XYLT1: variants seen among roughly 807,000 people sequenced by gnomAD.
XYLT1 encodes beta-D-xylosyltransferase 1.
XYLT1 carries 36 observed loss-of-function variants against 91.3 expected under a neutral mutation model. The observed-to-expected ratio is 0.39, with a 90% CI of 0.30 to 0.52. The LOEUF (loss-of-function observed/expected upper bound fraction) is 0.52. Ranked by LOEUF, XYLT1 falls within the 20% of genes least tolerant of loss-of-function variation. The pLI is 0.68. For missense variants in XYLT1, 1,242 were observed against 1,284.5 expected, an observed-to-expected ratio of 0.97 and a Z score of 0.51; for synonymous variants, 588 against 532.0, an observed-to-expected ratio of 1.11 and a Z score of -1.45.
At chr16:17,188,578 T>A (rs1016701929) in intron 5 of XYLT1, among the ~76,000 whole-genome samples, 1 of 152,212 alleles carries the variant, frequency 6.6e-6, no homozygotes, top group South Asian at 2.1e-4. Context: ...AGGGAAGCCA[T>A]CCGGGCCCTC....
At chr16:17,374,832 C>T (rs1183262205) in intron 1 of XYLT1, among the ~76,000 whole-genome samples, 1 of 152,144 alleles carries the variant, frequency 6.6e-6, no homozygotes, top group East Asian at 1.9e-4. Flanking sequence ...ATCCCCCCAC[C>T]ACCTCCCACA....
intron 1 of XYLT1, among the ~76,000 whole-genome samples, chr16:17,380,697 C>G (rs901004274): frequency 1.3e-5 from 2 of 152,218 alleles, no homozygotes; most frequent in African/African-American, 4.8e-5. Context: ...ATTGGCATAT[C>G]TGTGTTCAAA....
intron 5 of XYLT1, among the ~76,000 whole-genome samples, chr16:17,167,851 T>C (rs1209317417): frequency 2.0e-5 from 3 of 151,692 alleles, no homozygotes; most frequent in Admixed American, 1.3e-4. Context: ...ATCTCGTGCA[T>C]GGATTCTAAC....
At chr16:17,168,251 C>G (rs771556527) in intron 5 of XYLT1, among the ~76,000 whole-genome samples, 11 of 152,320 alleles carry the variant, frequency 7.2e-5, no homozygotes, top group Non-Finnish European at 1.5e-4. Context: ...CCATGGAACA[C>G]TGTGCAGCCA....
At chr16:17,136,407 T>G (rs1045954749) in intron 8 of XYLT1, among the ~76,000 whole-genome samples, 12 of 152,264 alleles carry the variant, frequency 7.9e-5, no homozygotes, top group South Asian at 4.1e-4. Context: ...TCAGGAAACC[T>G]CTCTGTGGTG....
At chr16:17,216,168 T>C (rs1022409517) in intron 3 of XYLT1, among the ~76,000 whole-genome samples, 7 of 152,176 alleles carry the variant, frequency 4.6e-5, no homozygotes, top group African/African-American at 1.7e-4. Flanking sequence ...GACATTTTCA[T>C]CTCTGCCCTC....
At chr16:17,283,451 TACAC>T (rs909182861) in intron 2 of XYLT1, among the ~76,000 whole-genome samples, 1 of 152,092 alleles carries the variant, frequency 6.6e-6, no homozygotes, top group Non-Finnish European at 1.5e-5. Flanking sequence ...GGTCTTTGTG[TACAC>T]ACACACGCAT....
chr16:17,215,151 T>G (rs879429153), intron 3 of XYLT1, among the ~76,000 whole-genome samples: 2 of 151,890 alleles, frequency 1.3e-5, no homozygotes, highest in Non-Finnish European at 1.5e-5. Flanking sequence ...AAGTCAGGAG[T>G]TGAAGACCAG....
chr16:17,173,054 CA>C (rs1555485154), intron 5 of XYLT1, among the ~76,000 whole-genome samples: 6,861 of 151,802 alleles, frequency 0.045, 214 homozygotes, highest in Non-Finnish European at 0.045. Context: ...AACAAACAAA[CA>C]AAAAAAACCA....
rs186182714 is a variant in XYLT1, at chr16:17,400,806, G to A, written c.364-42756C>T. ...GGAGTTAGAGCGAGGAAGGCCAGCC[G>A]GAGGAGGGGACACCTGATCTGAAGT... On this transcript the variant is annotated intron_variant, in intron 1 of 11. Coordinates refer to ENST00000261381, the MANE Select transcript of XYLT1 (RefSeq NM_022166.4). 6.6e-5 allele frequency among the ~76,000 whole-genome samples: 10 copies of A among 152,214 alleles called. No individual in the cohort carries two copies. In the East Asian group the frequency reaches 1.9e-3, roughly 29 times the overall value.
intron 2 of XYLT1, among the ~76,000 whole-genome samples, chr16:17,334,048 T>C (rs1240549149): frequency 1.3e-5 from 2 of 152,180 alleles, no homozygotes; most frequent in Non-Finnish European, 2.9e-5. Flanking sequence ...CCTTTCACCA[T>C]GTGAGGTCAC....
intron 2 of XYLT1, among the ~76,000 whole-genome samples, chr16:17,284,694 A>T (rs1387709118): frequency 6.6e-6 from 1 of 152,200 alleles, no homozygotes; most frequent in African/African-American, 2.4e-5. Flanking sequence ...AGGCAGGGGG[A>T]TCACTTGAGC....
chr16:17,466,039 C>T (rs1349102510), intron 1 of XYLT1, among the ~76,000 whole-genome samples: 2 of 152,204 alleles, frequency 1.3e-5, no homozygotes, highest in African/African-American at 4.8e-5. Context: ...CTCGCACATA[C>T]TTGTTGGGAC....
rs1966803409 is a variant in XYLT1 at position 17,108,164 on chromosome 16, T to C, written c.*531A>G. 1 of 152,800 alleles carries C rather than the reference T, an allele frequency of 6.5e-6. No individual in the cohort carries two copies. Among genetic ancestry groups the C allele is most frequent in the East Asian group, 1.9e-4 (1 of 5,172 alleles). The allele number at this position is 152,800 out of a possible 1,614,324, so 9.5% of individuals were successfully genotyped here. A position where few individuals can be genotyped will look rare whatever the true frequency, so the allele number is the denominator to read the frequency against. On this transcript the variant is annotated 3_prime_UTR_variant, in exon 12 of 12. Transcript: ENST00000261381. Reference sequence around the variant, plus strand: ...TTGAACCCATGGTTGGTCTGGGCAGTGCTTGTCAAACTGGCATTTGCAGAG... The same window carrying C: ...TTGAACCCATGGTTGGTCTGGGCAGCGCTTGTCAAACTGGCATTTGCAGAG...
chr16:17,117,767 C>T lies in XYLT1; in HGVS notation c.2436G>A (p.Leu812=), dbSNP rs1185749033. The T allele has an allele frequency of 1.2e-6, 2 of 1,614,048 alleles. No homozygotes were observed. Among genetic ancestry groups the T allele is most frequent in the East Asian group, 4.5e-5 (2 of 44,892 alleles). Residue 812 remains leucine, a synonymous_variant, in exon 11 of 12, where the codon TTG becomes TTA. Transcript: ENST00000261381. ...AGACCCCAGGCCTCAGGGGCAAGTT[C>T]AAAGGGGGCTTGTAGTGTGTGAATT... ...TAEFTHYKPP[L]NLPLRPGVWT... is the part of the protein sequence containing the mutation.
At chr16:17,189,801 C>G (rs553648321) in intron 5 of XYLT1, among the ~76,000 whole-genome samples, 2 of 152,210 alleles carry the variant, frequency 1.3e-5, no homozygotes, top group Non-Finnish European at 2.9e-5. Context: ...AATCTCAGCA[C>G]TTTGGGAGGC....
At chr16:17,244,327 A>G (rs937159463) in intron 3 of XYLT1, among the ~76,000 whole-genome samples, 4 of 152,038 alleles carry the variant, frequency 2.6e-5, no homozygotes, top group Non-Finnish European at 4.4e-5. Flanking sequence ...GTCCTTGACC[A>G]CGCAAGAAAA....
At chr16:17,434,083 C>T (rs1235057587) in intron 1 of XYLT1, among the ~76,000 whole-genome samples, 1 of 152,180 alleles carries the variant, frequency 6.6e-6, no homozygotes, top group African/African-American at 2.4e-5. Flanking sequence ...ATTACAGTAT[C>T]CACTTCAGTG....
At chr16:17,415,248 T>A (rs532242104) in intron 1 of XYLT1, among the ~76,000 whole-genome samples, 1 of 152,082 alleles carries the variant, frequency 6.6e-6, no homozygotes, top group African/African-American at 2.4e-5. Context: ...TCCCCTCCCC[T>A]CCACTGCAAC....
Sources: gnomAD v4.1 joint callset for allele counts (sites outside exome capture counted in the v4.1 genomes callset) on GRCh38, gnomAD v4.1.1 for gene constraint, MANE v1.5 for transcripts, NCBI Gene and HGNC (gene_info 2026-07-23, HGNC 2026-07-21) for gene names.